CNBD1: variants seen among roughly 807,000 people sequenced by gnomAD.
CNBD1 encodes cyclic nucleotide-binding domain-containing protein 1.
Under a neutral mutation model 54.4 loss-of-function variants are expected in CNBD1, and 71 were observed. The observed-to-expected ratio is 1.30, with a 90% CI of 1.08 to 1.59. The LOEUF is 1.59. Ranked by LOEUF, CNBD1 falls within the 40% of genes most tolerant of loss-of-function variation. The probability of loss-of-function intolerance (pLI) is 0.00; values close to 1 mark genes in which losing one functional copy is unlikely to be tolerated. For synonymous variants in CNBD1, 182 were observed against 170.7 expected (o/e 1.07, Z -0.51); for missense variants, 659 against 518.0 (o/e 1.27, Z -2.64).
intron 4 of CNBD1, among the ~76,000 whole-genome samples, chr8:87,109,387 C>T (rs1051736634): frequency 9.9e-5 from 15 of 151,730 alleles, no homozygotes; most frequent in Non-Finnish European, 1.8e-4. Context: ...GGCTAAGATA[C>T]GGAAATAATA....
intron 4 of CNBD1, among the ~76,000 whole-genome samples, chr8:86,949,676 G>A (rs1220593131): frequency 6.6e-6 from 1 of 151,858 alleles, no homozygotes; most frequent in Non-Finnish European, 1.5e-5. Context: ...AAAATAATTT[G>A]ACTTTTTCTT....
chr8:87,323,336 G>A (rs1213607955), intron 8 of CNBD1, among the ~76,000 whole-genome samples: 2 of 133,412 alleles, frequency 1.5e-5, no homozygotes, highest in African/African-American at 5.7e-5. Flanking sequence ...TTCCAATTCT[G>A]TGAAGAAAGT....
chr8:87,336,685 A>G (rs1034378805), intron 8 of CNBD1, among the ~76,000 whole-genome samples: 1 of 152,142 alleles, frequency 6.6e-6, no homozygotes, highest in Non-Finnish European at 1.5e-5. Flanking sequence ...CACCTTCTGA[A>G]GCCTACTTCT....
At chr8:87,400,970 G>T (rs917131747) in intron 2 of CNBD1, among the ~76,000 whole-genome samples, 3 of 151,940 alleles carry the variant, frequency 2.0e-5, no homozygotes, top group Admixed American at 6.6e-5. Flanking sequence ...TTTGAGAAAT[G>T]ATTCTTGTTG....
chr8:86,884,348 T>C (rs1808650328), intron 1 of CNBD1, among the ~76,000 whole-genome samples: 1 of 152,166 alleles, frequency 6.6e-6, no homozygotes, highest in Admixed American at 6.5e-5. Flanking sequence ...CAGCATTTAT[T>C]AATAGAAAAC....
chr8:87,323,669 C>T (rs1400299680), intron 8 of CNBD1, among the ~76,000 whole-genome samples: 30 of 135,864 alleles, frequency 2.2e-4, no homozygotes, highest in African/African-American at 8.2e-4. Flanking sequence ...TGAGACTTTG[C>T]TGAAGTTGCT....
intron 4 of CNBD1, among the ~76,000 whole-genome samples, chr8:87,034,806 T>C (rs1180673405): frequency 6.6e-6 from 1 of 152,218 alleles, no homozygotes; most frequent in Non-Finnish European, 1.5e-5. Flanking sequence ...TTAAAACTCA[T>C]GTACAAGTGG....
At chr8:86,885,787 C>G (rs1055985676) in intron 1 of CNBD1, among the ~76,000 whole-genome samples, 1 of 152,200 alleles carries the variant, frequency 6.6e-6, no homozygotes, top group East Asian at 1.9e-4. Context: ...TGTTCTTCTA[C>G]TAGGCTGTGA....
At chr8:86,935,234 C>T (rs573055220) in intron 3 of CNBD1, among the ~76,000 whole-genome samples, 209 of 152,074 alleles carry the variant, frequency 1.4e-3, no homozygotes, top group Non-Finnish European at 2.1e-3. Flanking sequence ...GACAGGGTTT[C>T]ACTGTGTTAG....
chr8:87,042,947 G>C (rs145118989), intron 4 of CNBD1, among the ~76,000 whole-genome samples: 23 of 152,252 alleles, frequency 1.5e-4, no homozygotes, highest in Non-Finnish European at 2.6e-4. Context: ...TGTGTGCTGT[G>C]TGTGTTGTTG....
chr8:87,057,113 T>C (rs73693009), intron 4 of CNBD1, among the ~76,000 whole-genome samples: 5,582 of 152,280 alleles, frequency 0.037, 145 homozygotes, highest in African/African-American at 0.071. Flanking sequence ...CCTGCCATGT[T>C]GTGACTACTT....
At chr8:87,394,510 C>T (rs117937608) in intron 2 of CNBD1, among the ~76,000 whole-genome samples, 1,961 of 151,948 alleles carry the variant, frequency 0.013, 19 homozygotes, top group Non-Finnish European at 0.022. Context: ...CACAACCCTG[C>T]CCCCACATAA....
At chr8:87,378,892 A>C (rs1811010413) in intron 10 of CNBD1, among the ~76,000 whole-genome samples, 1 of 149,028 alleles carries the variant, frequency 6.7e-6, no homozygotes, top group African/African-American at 2.5e-5. Flanking sequence ...TTGGATTCCT[A>C]GGTATTTTAT....
In CNBD1 at chr8:87,166,028, G is replaced by A. The variant is rs568490987; in HGVS notation, c.432-39965G>A. 7.2e-5 allele frequency among the ~76,000 whole-genome samples: 11 copies of A among 151,992 alleles called. No homozygotes were observed. In the South Asian group the frequency reaches 8.3e-4, roughly 11 times the overall value. On this transcript the variant is annotated intron_variant, in intron 4 of 10. Transcript: ENST00000518476. This position sits in a 1 kb window ranked among gnomAD's most constrained non-coding sequence, Gnocchi z 4.3. Reference sequence around the variant, plus strand: ...CCGTGACTCTGAGATCTACATTCACGTATTGAATTGTCATTTTGAAGGCCT... The same window carrying A: ...CCGTGACTCTGAGATCTACATTCACATATTGAATTGTCATTTTGAAGGCCT...
At chr8:87,079,324 A>G (rs926699532) in intron 4 of CNBD1, among the ~76,000 whole-genome samples, 6 of 152,134 alleles carry the variant, frequency 3.9e-5, no homozygotes, top group African/African-American at 1.4e-4. Context: ...GTTTTCATAG[A>G]GCCGTAGGGC....
intron 4 of CNBD1, among the ~76,000 whole-genome samples, chr8:87,021,431 A>T (rs1809486748): frequency 6.6e-6 from 1 of 152,232 alleles, no homozygotes; most frequent in Non-Finnish European, 1.5e-5. Context: ...GAATAATAAG[A>T]TGCTATTTGG....
At chr8:87,419,716 T>G (rs1217282779) in intron 2 of CNBD1, among the ~76,000 whole-genome samples, 5 of 151,838 alleles carry the variant, frequency 3.3e-5, no homozygotes, top group Non-Finnish European at 7.4e-5. Context: ...TTGAATACAC[T>G]GAATATTTAG....
At chr8:87,161,982 A>G (rs1434728886) in intron 4 of CNBD1, among the ~76,000 whole-genome samples, 1 of 152,104 alleles carries the variant, frequency 6.6e-6, no homozygotes, top group Non-Finnish European at 1.5e-5. Context: ...TGATGATAAT[A>G]CGATTTCATT....
intron 2 of CNBD1, among the ~76,000 whole-genome samples, chr8:86,893,393 G>A (rs564053763): frequency 5.1e-4 from 78 of 152,246 alleles, no homozygotes; most frequent in Non-Finnish European, 1.0e-3. Context: ...GTGATGTGAA[G>A]TAAAATCTTG....
Sources: allele counts gnomAD v4.1 joint callset (sites outside exome capture counted in the v4.1 genomes callset), GRCh38; gene constraint gnomAD v4.1.1; non-coding constraint Gnocchi (gnomAD v3.1); transcripts MANE v1.5; gene names NCBI Gene and HGNC (gene_info 2026-07-23, HGNC 2026-07-21).